The following LRMDA variants were observed in gnomAD, a reference collection of about 807,000 sequenced individuals.
LRMDA encodes leucine-rich melanocyte differentiation-associated protein.
A neutral mutation model predicts 29.8 loss-of-function variants in LRMDA; 18 were observed. The observed-to-expected ratio is 0.60, with a 90% CI of 0.42 to 0.90. LRMDA has a LOEUF of 0.90. Among genes scored for constraint, LRMDA ranks in the 40% least tolerant of loss-of-function variants. LRMDA has a pLI of 0.00. For synonymous variants in LRMDA, 125 were observed against 109.4 expected, an observed-to-expected ratio of 1.14 and a Z score of -0.89; for missense variants, 273 against 273.9, an observed-to-expected ratio of 1.00 and a Z score of 0.02.
chr10:75,855,252 T>TCGA (rs1660624969), intron 2 of LRMDA, among the ~76,000 whole-genome samples: 2 of 152,052 alleles, frequency 1.3e-5, no homozygotes, highest in Admixed American at 1.3e-4. Context: ...TTTTTAATGA[T>TCGA]CGACATTCGA....
intron 3 of LRMDA, among the ~76,000 whole-genome samples, chr10:76,042,666 G>C (rs1848360553): frequency 1.3e-5 from 2 of 152,154 alleles, no homozygotes; most frequent in Admixed American, 1.3e-4. Flanking sequence ...CTTTATTGAA[G>C]ATATGCCTCT....
At position 75,582,743 on chromosome 10, in the gene LRMDA, C is replaced by T. The variant is rs187851364; in HGVS notation, c.131+144249C>T. Among the ~76,000 whole-genome samples the T allele has an allele frequency of 2.9e-3, 436 of 152,280 alleles. 6 individuals carry two copies. Among genetic ancestry groups the T allele is most frequent in the African/African-American group, 0.01 (423 of 41,540 alleles). On this transcript the variant is annotated intron_variant, in intron 2 of 6. Coordinates refer to ENST00000611255, the MANE Select transcript of LRMDA (RefSeq NM_001305581.2). The stretch of plus-strand genomic sequence containing the variant: ...GGGCTTTTCTTTTTTACTACATGGC[C>T]GGGCTGCAAATTTTCTGAACTTTTA...
chr10:75,766,618 T>G (rs780938650), intron 2 of LRMDA, among the ~76,000 whole-genome samples: 57 of 152,296 alleles, frequency 3.7e-4, no homozygotes, highest in Non-Finnish European at 7.9e-4. Flanking sequence ...TTATTTCCTG[T>G]TTTATTTTTT....
At chr10:76,493,882 A>G (rs750659019) in intron 6 of LRMDA, among the ~76,000 whole-genome samples, 6 of 152,002 alleles carry the variant, frequency 3.9e-5, no homozygotes, top group Non-Finnish European at 8.8e-5. Flanking sequence ...TTGTTTTTAG[A>G]TTTATTTCTC....
intron 5 of LRMDA, among the ~76,000 whole-genome samples, chr10:76,125,583 C>T (rs150310825): frequency 4.6e-5 from 7 of 152,166 alleles, no homozygotes; most frequent in African/African-American, 9.6e-5. Flanking sequence ...AATTGCCTAC[C>T]ATCTGTCAAG....
At chr10:75,782,273 T>C (rs1843395626) in intron 2 of LRMDA, among the ~76,000 whole-genome samples, 1 of 152,154 alleles carries the variant, frequency 6.6e-6, no homozygotes, top group African/African-American at 2.4e-5. Flanking sequence ...TGTGAGGATA[T>C]GAATGCAGTG....
intron 2 of LRMDA, among the ~76,000 whole-genome samples, chr10:75,598,685 C>T (rs552014639): frequency 1.3e-5 from 2 of 152,240 alleles, no homozygotes; most frequent in African/African-American, 4.8e-5. Context: ...ACGACTCCTG[C>T]GAGGCTTCAT....
chr10:76,333,708 A>G (rs1416331066), intron 6 of LRMDA, among the ~76,000 whole-genome samples: 1 of 152,204 alleles, frequency 6.6e-6, no homozygotes, highest in African/African-American at 2.4e-5. Flanking sequence ...TGAAACTAAA[A>G]CACAGGGCCC....
chr10:75,433,680 A>C (rs1051221129), intron 1 of LRMDA, among the ~76,000 whole-genome samples: 1 of 152,158 alleles, frequency 6.6e-6, no homozygotes, highest in Admixed American at 6.5e-5. Flanking sequence ...ATCCTTCTTA[A>C]AGGGAGGAAA....
chr10:76,274,208 C>A (rs1273203207), intron 5 of LRMDA, among the ~76,000 whole-genome samples: 1 of 152,000 alleles, frequency 6.6e-6, no homozygotes, highest in Non-Finnish European at 1.5e-5. Flanking sequence ...TTAAAATAGA[C>A]CAGGAAGAGA....
chr10:76,087,120 T>G (rs1261417586), intron 5 of LRMDA, among the ~76,000 whole-genome samples: 2 of 152,278 alleles, frequency 1.3e-5, no homozygotes, highest in East Asian at 3.9e-4. Flanking sequence ...GACATTCAGA[T>G]CTGCCTGGTG....
chr10:76,367,721 T>G (rs965339241), intron 6 of LRMDA, among the ~76,000 whole-genome samples: 2 of 152,188 alleles, frequency 1.3e-5, no homozygotes, highest in African/African-American at 4.8e-5. Context: ...GTGCTGGGAT[T>G]ACAGGTGTGA....
intron 2 of LRMDA, among the ~76,000 whole-genome samples, chr10:75,555,029 C>T (rs1289807029): frequency 2.0e-5 from 3 of 152,050 alleles, no homozygotes; most frequent in Non-Finnish European, 4.4e-5. Flanking sequence ...TTCAGTTAGT[C>T]CTGAGGGGCT....
At chr10:76,038,527 C>G (rs1848288992) in intron 3 of LRMDA, among the ~76,000 whole-genome samples, 1 of 152,170 alleles carries the variant, frequency 6.6e-6, no homozygotes, top group African/African-American at 2.4e-5. Flanking sequence ...AGACTTCTTT[C>G]CTTTTTTCTC....
chr10:75,595,821 C>G (rs1438468644), intron 2 of LRMDA, among the ~76,000 whole-genome samples: 1 of 151,928 alleles, frequency 6.6e-6, no homozygotes, highest in Non-Finnish European at 1.5e-5. Context: ...GACATTCAGT[C>G]CAGCTACATT....
At chr10:76,313,436 G>C (rs1287355950) in intron 5 of LRMDA, among the ~76,000 whole-genome samples, 1 of 152,146 alleles carries the variant, frequency 6.6e-6, no homozygotes, top group Non-Finnish European at 1.5e-5. Context: ...GATGGAGCCT[G>C]GCTCTAAATC....
At chr10:76,262,333 C>T (rs1328468204) in intron 5 of LRMDA, among the ~76,000 whole-genome samples, 2 of 152,208 alleles carry the variant, frequency 1.3e-5, no homozygotes, top group Non-Finnish European at 2.9e-5. Flanking sequence ...ATGCTAGCCT[C>T]ATACTCCCAG....
chr10:75,854,414 C>T (rs947402278), intron 2 of LRMDA, among the ~76,000 whole-genome samples: 2 of 151,998 alleles, frequency 1.3e-5, no homozygotes, highest in African/African-American at 4.8e-5. Flanking sequence ...ACCCCCCATG[C>T]CTTTTACTCT....
chr10:76,061,684 G>A (rs2132058055), intron 5 of LRMDA, among the ~76,000 whole-genome samples: 1 of 152,260 alleles, frequency 6.6e-6, no homozygotes, highest in South Asian at 2.1e-4. Context: ...GAGGGAGCTG[G>A]GAGAGGGTGT....
Sources: allele counts gnomAD v4.1 joint callset (sites outside exome capture counted in the v4.1 genomes callset), GRCh38; gene constraint gnomAD v4.1.1; transcripts MANE v1.5; gene names NCBI Gene and HGNC (gene_info 2026-07-23, HGNC 2026-07-21).